Variants in DOCK9 observed in about 807,000 individuals in gnomAD.
DOCK9 encodes the protein dedicator of cytokinesis 9, also known as dedicator of cytokinesis protein 9.
In DOCK9, 89 loss-of-function variants were observed where a neutral mutation model predicts 263.3. The observed-to-expected ratio is 0.34, with a 90% CI of 0.28 to 0.40. The LOEUF (loss-of-function observed/expected upper bound fraction) is 0.40, where lower values mean the gene tolerates loss of function less well. Among genes scored for constraint, DOCK9 ranks in the 10% least tolerant of loss-of-function variants. DOCK9 has a pLI of 1.00. For synonymous variants in DOCK9, 976 were observed against 973.1 expected (o/e 1.00, Z -0.06); for missense variants, 2,140 against 2,603.4 (o/e 0.82, Z 3.87).
intron 15 of DOCK9, among the ~76,000 whole-genome samples, chr13:98,897,122 G>A (rs2047561089): frequency 6.6e-6 from 1 of 152,116 alleles, no homozygotes; most frequent in South Asian, 2.1e-4. Flanking sequence ...CCCAGTCATC[G>A]TATCTCTTTG....
intron 7 of DOCK9, among the ~76,000 whole-genome samples, chr13:98,919,497 A>T (rs1391252054): frequency 6.6e-6 from 1 of 152,238 alleles, no homozygotes; most frequent in East Asian, 1.9e-4. Flanking sequence ...GTCAAACCAG[A>T]GAGCTGTGTC....
chr13:98,921,165 C>CTACA (rs1295683284), intron 6 of DOCK9, 77 bp from the exon 7 acceptor site: 3 of 1,410,562 alleles, frequency 2.1e-6, no homozygotes, highest in East Asian at 2.5e-5. Context: ...CCACTTATGA[C>CTACA]TACATACATA....
At chr13:98,802,229 C>T (rs1362161136) in intron 49 of DOCK9, among the ~76,000 whole-genome samples, 1 of 152,232 alleles carries the variant, frequency 6.6e-6, no homozygotes, top group East Asian at 1.9e-4. Context: ...CATCTGGGTA[C>T]TGTTTATCAT....
chr13:98,979,456 C>T (rs1202769380), upstream of DOCK9, among the ~76,000 whole-genome samples: 3 of 152,070 alleles, frequency 2.0e-5, no homozygotes, highest in South Asian at 4.1e-4. Flanking sequence ...CTCGCACAGC[C>T]GCCTCCCTCT....
At chr13:99,080,369 A>C (rs1315522485) in intron 1 of DOCK9, among the ~76,000 whole-genome samples, 2 of 152,104 alleles carry the variant, frequency 1.3e-5, no homozygotes, top group Non-Finnish European at 2.9e-5. Flanking sequence ...TCAGGATTAC[A>C]CTTAGGGAAG....
chr13:98,910,055 G>C (rs894916597), intron 9 of DOCK9, among the ~76,000 whole-genome samples: 1 of 152,150 alleles, frequency 6.6e-6, no homozygotes, highest in African/African-American at 2.4e-5. Context: ...TATTCTTTGA[G>C]TACAAAAATA....
intron 1 of DOCK9, among the ~76,000 whole-genome samples, chr13:99,001,590 T>TG (rs1382263070): frequency 6.6e-6 from 1 of 152,212 alleles, no homozygotes; most frequent in Admixed American, 6.5e-5. Flanking sequence ...CACACTAAGG[T>TG]AACTCTTGGA....
At chr13:98,838,067 C>T (rs1405010943) in intron 38 of DOCK9, among the ~76,000 whole-genome samples, 1 of 152,180 alleles carries the variant, frequency 6.6e-6, no homozygotes, top group Non-Finnish European at 1.5e-5. Flanking sequence ...TTGATCGATT[C>T]TGCTATCCAG....
chr13:99,021,483 C>A (rs1037229690), intron 1 of DOCK9, among the ~76,000 whole-genome samples: 1 of 151,670 alleles, frequency 6.6e-6, no homozygotes, highest in Non-Finnish European at 1.5e-5. Context: ...ACTAAAAATA[C>A]AAAAAATTAG....
intron 48 of DOCK9, among the ~76,000 whole-genome samples, chr13:98,805,995 G>A (rs1336829331): frequency 1.3e-5 from 2 of 152,104 alleles, no homozygotes; most frequent in African/African-American, 2.4e-5. Context: ...CCCGACCTCA[G>A]GTGATCCGCC....
At position 98,952,275 on chromosome 13, in the gene DOCK9, G is replaced by A. The variant is rs1450712836; in HGVS notation, c.243+3160C>T. Among the ~76,000 whole-genome samples, 11 of 149,248 alleles carry A rather than the reference G, an allele frequency of 7.4e-5. No homozygotes were observed. The East Asian group carries it at 1.2e-3, about 16-fold the overall frequency. On this transcript the variant is annotated intron_variant, in intron 2 of 52. Transcript: ENST00000682017. ...TTTTGAGATGGAGTCTCACTCTGTC[G>A]CCCAGGCTGGAATGCAGTGGCACGA...
intron 2 of DOCK9, chr13:98,949,962 G>A: frequency 4.1e-6 from 2 of 490,902 alleles, no homozygotes; most frequent in East Asian, 1.1e-4. Context: ...CAGAGGGATG[G>A]TCTCATTCTT....
chr13:98,853,632 T>C, intron 34 of DOCK9, 110 bp from the exon 35 acceptor site: 1 of 797,802 alleles, frequency 1.3e-6, no homozygotes, highest in Non-Finnish European at 2.1e-6. Context: ...ATCATACACA[T>C]TGGAAGGTGC....
intron 6 of DOCK9, among the ~76,000 whole-genome samples, chr13:98,921,567 C>T (rs4772157): frequency 0.79 from 119,414 of 152,112 alleles, 47,295 homozygotes; most frequent in Middle Eastern, 0.91. Context: ...TCCTGATGTT[C>T]CTCTGGTCCC....
chr13:98,920,107 C>T (rs565136868), intron 7 of DOCK9, among the ~76,000 whole-genome samples: 1 of 152,142 alleles, frequency 6.6e-6, no homozygotes, highest in African/African-American at 2.4e-5. Context: ...TGCTAAAAAG[C>T]TACAGAAGGA....
chr13:98,880,849 T>A (rs1200764876), intron 25 of DOCK9, among the ~76,000 whole-genome samples, 177 bp from the exon 26 acceptor site: 2 of 151,548 alleles, frequency 1.3e-5, no homozygotes, highest in East Asian at 1.9e-4. Context: ...GAGTCCAGGA[T>A]GTCTTCAAGA....
intron 1 of DOCK9, among the ~76,000 whole-genome samples, chr13:99,028,046 A>AG (rs1438665244): frequency 6.6e-6 from 1 of 152,246 alleles, no homozygotes; most frequent in Non-Finnish European, 1.5e-5. Flanking sequence ...AATCAATAGA[A>AG]GAAGTAGGAG....
chr13:99,065,606 G>T (rs1238793600), intron 1 of DOCK9, among the ~76,000 whole-genome samples: 1 of 152,154 alleles, frequency 6.6e-6, no homozygotes, highest in Non-Finnish European at 1.5e-5. Flanking sequence ...CAAGGCCTGT[G>T]CTCCTACGGG....
upstream of DOCK9, among the ~76,000 whole-genome samples, chr13:98,982,585 T>C (rs1877466884): frequency 6.6e-6 from 1 of 152,218 alleles, no homozygotes; most frequent in Non-Finnish European, 1.5e-5. Context: ...TTAACCACCT[T>C]TGAGTGGCCT....
Sources: gnomAD v4.1 joint callset for allele counts (sites outside exome capture counted in the v4.1 genomes callset) on GRCh38, gnomAD v4.1.1 for gene constraint, MANE v1.5 for transcripts, NCBI Gene and HGNC (gene_info 2026-07-23, HGNC 2026-07-21) for gene names.